The following RIMS2 variants were observed in gnomAD, a reference collection of about 807,000 sequenced individuals.
The protein encoded by RIMS2 is regulating synaptic membrane exocytosis protein 2.
Under a neutral mutation model 174.4 loss-of-function variants are expected in RIMS2, and 59 were observed. The ratio of observed to expected loss-of-function variants is 0.34; its 90% CI spans 0.27 to 0.42. RIMS2 has a LOEUF of 0.42. Among genes scored for constraint, RIMS2 ranks in the 10% least tolerant of loss-of-function variants. The pLI, the probability that RIMS2 is intolerant of heterozygous loss-of-function variation, is 1.00. For missense variants in RIMS2, 1,620 were observed against 1,666.3 expected (o/e 0.97, Z 0.48); for synonymous variants, 606 against 572.5 (o/e 1.06, Z -0.84).
chr8:103,597,096 C>T (rs2094506668), intron 1 of RIMS2, among the ~76,000 whole-genome samples: 1 of 152,052 alleles, frequency 6.6e-6, no homozygotes, highest in Non-Finnish European at 1.5e-5. Context: ...GGAAAATTAA[C>T]AAACAGATTA....
In RIMS2 at chr8:104,099,279, G is replaced by T. The variant is rs769563932; in HGVS notation, c.3334+84664G>T. ...GTTTTGTTTTGTTTTTAATTTTCTG[G>T]AAGTGTGTTTCAGTGCCAACTCATC... On this transcript the variant is annotated intron_variant, in intron 19 of 23. Transcript: ENST00000504942. Among the ~76,000 whole-genome samples, 43 of 151,996 alleles carry T rather than the reference G, an allele frequency of 2.8e-4. 1 individual carries two copies. The highest frequency in any genetic ancestry group is 4.4e-5 in the Non-Finnish European group (3 of 67,998).
intron 1 of RIMS2, among the ~76,000 whole-genome samples, chr8:103,513,655 T>A (rs1054181921): frequency 3.9e-5 from 6 of 152,156 alleles, no homozygotes; most frequent in Non-Finnish European, 7.4e-5. Flanking sequence ...GATTTGGGAA[T>A]TGTGGTTAAG....
chr8:103,504,536 T>C (rs1006463166), intron 1 of RIMS2, among the ~76,000 whole-genome samples: 7 of 152,174 alleles, frequency 4.6e-5, no homozygotes, highest in Non-Finnish European at 8.8e-5. Context: ...GTTTCTAATA[T>C]GTACATATCA....
At chr8:103,797,660 G>A (rs1259169526) in intron 3 of RIMS2, among the ~76,000 whole-genome samples, 1 of 152,214 alleles carries the variant, frequency 6.6e-6, no homozygotes, top group Admixed American at 6.5e-5. Flanking sequence ...GATCTTTAGT[G>A]TTCGATTTTT....
At chr8:104,229,252 C>T (rs1397140975) in intron 19 of RIMS2, among the ~76,000 whole-genome samples, 1 of 152,096 alleles carries the variant, frequency 6.6e-6, no homozygotes, top group Non-Finnish European at 1.5e-5. Context: ...ATGTTCTCTG[C>T]TATTATTAAA....
intron 16 of RIMS2, among the ~76,000 whole-genome samples, chr8:103,981,110 C>T (rs184940092): frequency 6.6e-6 from 1 of 152,288 alleles, no homozygotes; most frequent in Non-Finnish European, 1.5e-5. Context: ...GTAGTGGTTA[C>T]AGTCGGCCTT....
At chr8:103,844,645 G>A (rs952443486) in intron 3 of RIMS2, among the ~76,000 whole-genome samples, 1 of 152,028 alleles carries the variant, frequency 6.6e-6, no homozygotes, top group Non-Finnish European at 1.5e-5. Context: ...TTTCTTTGTA[G>A]TTTTTATAAA....
intron 19 of RIMS2, among the ~76,000 whole-genome samples, chr8:104,149,984 T>C (rs1023259922): frequency 6.6e-6 from 1 of 152,334 alleles, no homozygotes; most frequent in African/African-American, 2.4e-5. Context: ...AATATATAAA[T>C]AGAAGTTTAA....
intron 19 of RIMS2, among the ~76,000 whole-genome samples, chr8:104,086,988 A>AT (rs1276766819): frequency 6.6e-6 from 1 of 152,150 alleles, no homozygotes; most frequent in African/African-American, 2.4e-5. Context: ...GGGAGTATTT[A>AT]TATCACGGAA....
chr8:103,769,978 G>A (rs1273796330), intron 3 of RIMS2, among the ~76,000 whole-genome samples: 2 of 152,152 alleles, frequency 1.3e-5, no homozygotes, highest in Non-Finnish European at 2.9e-5. Context: ...GGAACTCATT[G>A]TAATTTACAT....
chr8:104,084,401 G>GCACTC (rs1348730227), intron 19 of RIMS2, among the ~76,000 whole-genome samples: 1 of 131,082 alleles, frequency 7.6e-6, no homozygotes, highest in Non-Finnish European at 1.5e-5. Flanking sequence ...TCGCGCCACT[G>GCACTC]CACTCCAGCC....
intron 3 of RIMS2, among the ~76,000 whole-genome samples, chr8:103,813,565 C>G (rs1023858976): frequency 6.6e-6 from 1 of 152,092 alleles, no homozygotes; most frequent in Non-Finnish European, 1.5e-5. Flanking sequence ...TCCCACCCCA[C>G]GACAGGCCCC....
intron 19 of RIMS2, among the ~76,000 whole-genome samples, chr8:104,065,653 T>A (rs1417402412): frequency 6.6e-6 from 1 of 152,118 alleles, no homozygotes; most frequent in South Asian, 2.1e-4. Context: ...GGTTACTGTT[T>A]GTCCCAAGGG....
chr8:103,757,649 C>A (rs1014089281), intron 2 of RIMS2, among the ~76,000 whole-genome samples: 2 of 152,188 alleles, frequency 1.3e-5, no homozygotes, highest in Non-Finnish European at 2.9e-5. Context: ...GCCCCCAACT[C>A]TTCTCTTTCC....
intron 1 of RIMS2, among the ~76,000 whole-genome samples, chr8:103,677,958 AG>A (rs1483017435): frequency 1.3e-5 from 2 of 152,348 alleles, no homozygotes; most frequent in Non-Finnish European, 2.9e-5. Context: ...GCTGAAACTC[AG>A]TGATAGTTAC....
chr8:103,853,064 A>T (rs1230497408), intron 3 of RIMS2, among the ~76,000 whole-genome samples: 2 of 151,820 alleles, frequency 1.3e-5, no homozygotes, highest in Non-Finnish European at 2.9e-5. Context: ...CTCACCAAAA[A>T]AATCTGGGGT....
intron 3 of RIMS2, among the ~76,000 whole-genome samples, chr8:103,815,110 A>T (rs1045971810): frequency 6.6e-6 from 1 of 152,126 alleles, no homozygotes; most frequent in African/African-American, 2.4e-5. Context: ...TCATGTTCTT[A>T]CCCAGAGATA....
chr8:103,975,396 G>T (rs761425785), exon 16 of RIMS2: 15 of 1,612,532 alleles, frequency 9.3e-6, no homozygotes, highest in Non-Finnish European at 1.3e-5. Flanking sequence ...CATTATCAGT[G>T]CCAGAACAAG....
intron 19 of RIMS2, among the ~76,000 whole-genome samples, chr8:104,160,262 T>C (rs2098753192): frequency 6.6e-6 from 1 of 152,206 alleles, no homozygotes; most frequent in South Asian, 2.1e-4. Flanking sequence ...CATTTTTACA[T>C]CTCTGGTACC....
Sources: gnomAD v4.1 joint callset for allele counts (sites outside exome capture counted in the v4.1 genomes callset) on GRCh38, gnomAD v4.1.1 for gene constraint, MANE v1.5 for transcripts, NCBI Gene and HGNC (gene_info 2026-07-23, HGNC 2026-07-21) for gene names.